TTC7A: variants seen among roughly 807,000 people sequenced by gnomAD.
The protein encoded by TTC7A is tetratricopeptide repeat protein 7A.
A neutral mutation model predicts 103.7 loss-of-function variants in TTC7A; 110 were observed. The ratio of observed to expected loss-of-function variants is 1.06; its 90% CI spans 0.91 to 1.24. The LOEUF is 1.24. Among genes scored for constraint, TTC7A ranks in the 50% most tolerant of loss-of-function variants. TTC7A has a pLI of 0.00. For synonymous variants in TTC7A, 521 were observed against 467.9 expected (o/e 1.11, Z -1.47); for missense variants, 1,340 against 1,116.3 (o/e 1.20, Z -2.86).
chr2:46,987,807 C>CGAGTGTGTGT (rs1234466462), intron 5 of TTC7A, among the ~76,000 whole-genome samples: 126 of 110,110 alleles, frequency 1.1e-3, no homozygotes, highest in African/African-American at 4.2e-3. Context: ...TCCCTTTCCG[C>CGAGTGTGTGT]GCGTGTGTGT....
intron 17 of TTC7A, 48 bp from the exon 18 acceptor site, chr2:47,051,698 C>T (rs372874122): frequency 7.9e-5 from 124 of 1,561,290 alleles, no homozygotes; most frequent in Middle Eastern, 4.8e-4. Flanking sequence ...GGGCCTGCAA[C>T]GTGTGGACCT....
At chr2:46,917,512 A>G (rs1668873623) in intron 2 of TTC7A, among the ~76,000 whole-genome samples, 1 of 152,190 alleles carries the variant, frequency 6.6e-6, no homozygotes, top group African/African-American at 2.4e-5. Flanking sequence ...CTCTACTAGG[A>G]GCTACTAGAG....
At chr2:46,995,911 T>C (rs1315465840) in intron 8 of TTC7A, among the ~76,000 whole-genome samples, 1 of 152,196 alleles carries the variant, frequency 6.6e-6, no homozygotes, top group Non-Finnish European at 1.5e-5. Flanking sequence ...CACGCGTGAA[T>C]GCTATGGGAA....
intron 5 of TTC7A, among the ~76,000 whole-genome samples, chr2:46,987,381 G>A (rs1307877388): frequency 3.3e-5 from 5 of 152,162 alleles, no homozygotes; most frequent in African/African-American, 1.2e-4. Flanking sequence ...TGAAGCAGTG[G>A]GGGCCTGAAA....
chr2:46,968,420 G>T (rs1026603676), intron 3 of TTC7A, among the ~76,000 whole-genome samples: 1 of 152,168 alleles, frequency 6.6e-6, no homozygotes, highest in Non-Finnish European at 1.5e-5. Context: ...GTGCAGAAGC[G>T]CTCACGGGGC....
At position 47,060,945 on chromosome 2, in the gene TTC7A, G is replaced by T. The variant is rs754561343; in HGVS notation, c.2329G>T (p.Asp777Tyr). Residue 777 changes from aspartate (D) to tyrosine (Y), a missense_variant, in exon 19 of 20, where the codon GAT becomes TAT. By Grantham distance (160) the Asp-to-Tyr change is radical. Transcript: ENST00000319190. The stretch of plus-strand genomic sequence containing the variant: ...CAAGGAGGCGCTCACGGTGAACCCA[G>T]ATGGCGTGCGCATCATGCATAGCCT... ...LYKEALTVNP[D>Y]GVRIMHSLGL... The T allele has an allele frequency of 6.2e-7, 1 of 1,613,638 alleles. No individual in the cohort carries two copies. Among genetic ancestry groups the T allele is most frequent in the Non-Finnish European group, 8.5e-7 (1 of 1,179,840 alleles).
chr2:46,978,967 G>A (rs768725552), intron 5 of TTC7A, 60 bp downstream of exon 5: 100 of 1,263,430 alleles, frequency 7.9e-5, no homozygotes, highest in Admixed American at 1.0e-4. Context: ...GGCTTTTGAC[G>A]TGGCCTTAAG....
chr2:46,937,203 A>C (rs1670022223), upstream of TTC7A, among the ~76,000 whole-genome samples: 1 of 152,174 alleles, frequency 6.6e-6, no homozygotes, highest in Admixed American at 6.5e-5. This position sits in a 1 kb window ranked among gnomAD's most constrained non-coding sequence, Gnocchi z 4.0. Context: ...CAAAATAAAA[A>C]GCTGAACTAC....
intron 2 of TTC7A, among the ~76,000 whole-genome samples, chr2:46,932,339 G>T (rs1048415149): frequency 6.6e-6 from 1 of 152,004 alleles, no homozygotes; most frequent in Non-Finnish European, 1.5e-5. Context: ...AGTAGAGATG[G>T]GGTTTCACCA....
At chr2:47,013,326 G>C (rs535372301) in intron 11 of TTC7A, among the ~76,000 whole-genome samples, 1 of 152,346 alleles carries the variant, frequency 6.6e-6, no homozygotes, top group African/African-American at 2.4e-5. Context: ...GCGACCTTGT[G>C]AGCAAGCACT....
In TTC7A at chr2:46,975,031, G is replaced by C; in HGVS notation, c.576G>C (p.Arg192Ser). The C allele has an allele frequency of 6.2e-7, 1 of 1,614,086 alleles. No homozygotes were observed. Among genetic ancestry groups the C allele is most frequent in the Non-Finnish European group, 8.5e-7 (1 of 1,179,970 alleles). The part of the protein sequence containing the change: ...SIASRFRLTE[R>S]EEEVITCFER... ...CCTCCCGCTTCCGCCTGACAGAGAG[G>C]GAGGAGGAAGTGATCACCTGTTTTG... Residue 192 changes from arginine to serine, a missense_variant, in exon 4 of 20, where the codon AGG (arginine) becomes AGC (serine). Transcript: ENST00000319190.
chr2:46,988,354 T>G (rs1333330842), intron 5 of TTC7A, among the ~76,000 whole-genome samples: 1 of 152,172 alleles, frequency 6.6e-6, no homozygotes, highest in Non-Finnish European at 1.5e-5. Flanking sequence ...GTGAACAGTT[T>G]GATGACCATT....
At chr2:46,948,826 GGCAAT>G (rs1558497757) in intron 1 of TTC7A, among the ~76,000 whole-genome samples, 1 of 152,182 alleles carries the variant, frequency 6.6e-6, no homozygotes. Flanking sequence ...AGAGTGAGGA[GGCAAT>G]GGCAGCCCTG....
At chr2:46,922,426 C>T (rs749361026) in intron 2 of TTC7A, among the ~76,000 whole-genome samples, 3 of 152,136 alleles carry the variant, frequency 2.0e-5, no homozygotes, top group African/African-American at 7.2e-5. Context: ...GCCTGCTATA[C>T]ATTTTTAGTT....
intron 8 of TTC7A, among the ~76,000 whole-genome samples, chr2:47,004,128 G>A (rs1034841663): frequency 1.3e-5 from 2 of 152,200 alleles, no homozygotes; most frequent in Non-Finnish European, 1.5e-5. Context: ...CAGCCTTGCC[G>A]GGATTTCCGG....
At chr2:47,067,887 A>G (rs541953665) in intron 19 of TTC7A, 1 of 152,168 alleles carries the variant, frequency 6.6e-6, no homozygotes, top group African/African-American at 2.4e-5. Context: ...CCTGGTGCCA[A>G]GCCCCAAAGA....
At chr2:47,028,695 T>A (rs1680185674) in intron 14 of TTC7A, among the ~76,000 whole-genome samples, 1 of 152,164 alleles carries the variant, frequency 6.6e-6, no homozygotes, top group Non-Finnish European at 1.5e-5. Flanking sequence ...GCTTAATAAA[T>A]ATTTGTTGAA....
At chr2:47,006,081 AC>A (rs1677346843) in intron 9 of TTC7A, 22 bp downstream of exon 9, 2 of 1,606,382 alleles carry the variant, frequency 1.2e-6, no homozygotes, top group African/African-American at 1.3e-5. Context: ...CATGCAGCCC[AC>A]CCCACTCTCC....
At chr2:46,970,094 A>G (rs773133697) in intron 3 of TTC7A, among the ~76,000 whole-genome samples, 3 of 151,946 alleles carry the variant, frequency 2.0e-5, no homozygotes, top group Non-Finnish European at 4.4e-5. Flanking sequence ...GGCTCAAGCA[A>G]TTCTCCCACC....
Sources: allele counts gnomAD v4.1 joint callset (sites outside exome capture counted in the v4.1 genomes callset), GRCh38; gene constraint gnomAD v4.1.1; non-coding constraint Gnocchi (gnomAD v3.1); transcripts MANE v1.5; gene names NCBI Gene and HGNC (gene_info 2026-07-23, HGNC 2026-07-21).